The following IL1RAPL1 variants were observed in gnomAD, a reference collection of about 807,000 sequenced individuals.
IL1RAPL1 encodes interleukin 1 receptor accessory protein like 1.
A neutral mutation model predicts 48.4 loss-of-function variants in IL1RAPL1; 3 were observed. The ratio of observed to expected loss-of-function variants is 0.06; its 90% confidence interval spans 0.03 to 0.16. The LOEUF is 0.16. IL1RAPL1 is among the 10% of genes least tolerant of loss of function. IL1RAPL1 has a pLI of 1.00. For missense variants in IL1RAPL1, 349 were observed against 530.6 expected (o/e 0.66, Z 3.36); for synonymous variants, 185 against 187.7 (o/e 0.99, Z 0.12).
intron 2 of IL1RAPL1, among the ~76,000 whole-genome samples, chrX:29,088,695 A>T (rs1928012139): frequency 9.6e-6 from 1 of 104,560 alleles, no homozygotes; most frequent in Admixed American, 1.0e-4. Context: ...AAAAAAAAAA[A>T]GAAAAGAAAA....
chrX:29,588,958 G>C (rs1437156154), intron 5 of IL1RAPL1, among the ~76,000 whole-genome samples: 2 of 111,900 alleles, frequency 1.8e-5, no homozygotes, highest in Non-Finnish European at 3.8e-5. Context: ...CAGGTACACT[G>C]AGGATACCTA....
intron 5 of IL1RAPL1, among the ~76,000 whole-genome samples, chrX:29,529,104 TC>T (rs1490577716): frequency 9.0e-6 from 1 of 111,035 alleles, no homozygotes; most frequent in Admixed American, 9.6e-5. Flanking sequence ...ATATAATTGG[TC>T]TGTAGTTTTA....
chrX:29,715,960 G>T (rs897831155), intron 6 of IL1RAPL1, among the ~76,000 whole-genome samples: 5 of 112,131 alleles, frequency 4.5e-5, no homozygotes, highest in African/African-American at 6.5e-5. Context: ...TTGATACTAT[G>T]CTACCTCAGT....
chrX:28,736,454 T>C (rs1935827324), intron 1 of IL1RAPL1, among the ~76,000 whole-genome samples: 1 of 109,397 alleles, frequency 9.1e-6, no homozygotes, highest in African/African-American at 3.3e-5. Context: ...AAATGATGGC[T>C]CATAGATGAT....
intron 1 of IL1RAPL1, among the ~76,000 whole-genome samples, chrX:28,599,384 C>T (rs1252802394): frequency 7.2e-5 from 8 of 110,918 alleles, no homozygotes; most frequent in Admixed American, 2.9e-4. Context: ...ATATTGGATG[C>T]TTTCTTGATG....
intron 3 of IL1RAPL1, among the ~76,000 whole-genome samples, chrX:29,338,274 C>T (rs1179386000): frequency 9.0e-6 from 1 of 111,332 alleles, no homozygotes; most frequent in Non-Finnish European, 1.9e-5. Context: ...CACACATACA[C>T]ACACACACAC....
At chrX:29,869,855 G>T (rs1466134075) in intron 6 of IL1RAPL1, among the ~76,000 whole-genome samples, 1 of 110,380 alleles carries the variant, frequency 9.1e-6, no homozygotes, top group Non-Finnish European at 1.9e-5. Flanking sequence ...TACAGCAGAG[G>T]GGGCAAGCAG....
intron 2 of IL1RAPL1, among the ~76,000 whole-genome samples, chrX:28,960,737 C>T (rs375433754): frequency 1.8e-5 from 2 of 110,899 alleles, no homozygotes; most frequent in Non-Finnish European, 3.8e-5. Flanking sequence ...GGCCGGGCGC[C>T]GTGGCTCACG....
At chrX:29,288,917 G>A (rs1307459995) in intron 3 of IL1RAPL1, among the ~76,000 whole-genome samples, 1 of 112,356 alleles carries the variant, frequency 8.9e-6, no homozygotes, top group Non-Finnish European at 1.9e-5. Flanking sequence ...GATAAGTAAT[G>A]TTGAACGTTT....
chrX:29,235,910 T>C (rs1931282694), intron 2 of IL1RAPL1, among the ~76,000 whole-genome samples: 1 of 112,253 alleles, frequency 8.9e-6, no homozygotes, highest in Non-Finnish European at 1.9e-5. Context: ...CCAGCCACTT[T>C]TTCATCAGAT....
chrX:28,946,780 T>G (rs890617367), intron 2 of IL1RAPL1, among the ~76,000 whole-genome samples: 1 of 111,608 alleles, frequency 9.0e-6, no homozygotes, highest in Non-Finnish European at 1.9e-5. Flanking sequence ...CCATATGTTT[T>G]GATCATCTGC....
chrX:29,243,215 C>T (rs1256364484), intron 2 of IL1RAPL1, among the ~76,000 whole-genome samples: 2 of 112,345 alleles, frequency 1.8e-5, no homozygotes, highest in Non-Finnish European at 3.8e-5. Context: ...CTTCATTTTG[C>T]GTTCATGCTT....
At chrX:28,614,150 G>A (rs759800220) in intron 1 of IL1RAPL1, among the ~76,000 whole-genome samples, 1 of 107,241 alleles carries the variant, frequency 9.3e-6, no homozygotes, top group East Asian at 3.0e-4. Context: ...TATGTCTTAG[G>A]CTCTTGGGCA....
intron 5 of IL1RAPL1, among the ~76,000 whole-genome samples, chrX:29,407,574 AC>A (rs983052594): frequency 3.6e-5 from 4 of 111,970 alleles, no homozygotes; most frequent in African/African-American, 1.3e-4. Flanking sequence ...ATTGCCATTA[AC>A]CGTCTTATGT....
intron 2 of IL1RAPL1, among the ~76,000 whole-genome samples, chrX:29,262,292 A>C (rs1010537501): frequency 8.9e-6 from 1 of 112,266 alleles, no homozygotes; most frequent in East Asian, 2.8e-4. Context: ...TGATATAAAT[A>C]AGTAAGTAAT....
rs1451621379 is a variant in IL1RAPL1, at chrX:29,168,593, ATT to A, written c.83-114344_83-114343del. On this transcript the variant is annotated intron_variant, in intron 2 of 10. Coordinates refer to ENST00000378993, the MANE Select transcript of IL1RAPL1 (RefSeq NM_014271.4). The stretch of plus-strand genomic sequence containing the variant: ...TATACACACACAATTGTATATATAT[ATT>A]CATATATACAATTGTATATTTATAT... 5.5e-5 allele frequency among the ~76,000 whole-genome samples: 5 copies of A among 90,792 alleles called. 1 individual carries two copies. Among genetic ancestry groups the A allele is most frequent in the Non-Finnish European group, 4.5e-5 (2 of 44,801 alleles). The allele number at this position is 90,792 out of a possible 115,157, so 78.8% of individuals were successfully genotyped here. A position where few individuals can be genotyped will look rare whatever the true frequency, so the allele number is the denominator to read the frequency against.
rs59836290 is a variant in IL1RAPL1, at chrX:29,543,115, T to TTCTCTCTCTCTCTCTCTC, written c.704-125298_704-125281dup. On this transcript the variant is annotated intron_variant, in intron 5 of 10. Transcript: ENST00000378993. ...TGTTTGACCATAGCAATCTGTTCGT[T>TTCTCTCTCTCTCTCTCTC]TCTCTCTCTCTCTCTCTCTCTCTCT... Among the ~76,000 whole-genome samples the TTCTCTCTCTCTCTCTCTC allele has an allele frequency of 8.4e-4, 77 of 91,687 alleles. 1 individual carries two copies. Among genetic ancestry groups the TTCTCTCTCTCTCTCTCTC allele is most frequent in the African/African-American group, 3.1e-3 (74 of 24,258 alleles). 79.6% of individuals were successfully genotyped at this position (91,687 alleles called of 115,157 possible).
intron 2 of IL1RAPL1, among the ~76,000 whole-genome samples, chrX:29,100,578 G>T (rs1928314525): frequency 8.9e-6 from 1 of 111,888 alleles, no homozygotes; most frequent in Non-Finnish European, 1.9e-5. Context: ...GTTACATAAG[G>T]ACTCAAGTAC....
chrX:29,302,664 G>A (rs190045028), intron 3 of IL1RAPL1, among the ~76,000 whole-genome samples: 5 of 111,853 alleles, frequency 4.5e-5, no homozygotes, highest in Admixed American at 3.8e-4. Context: ...AAGGTTCAGG[G>A]AGACAATGAA....
Sources: allele counts gnomAD v4.1 joint callset (sites outside exome capture counted in the v4.1 genomes callset), GRCh38; gene constraint gnomAD v4.1.1; transcripts MANE v1.5; gene names NCBI Gene and HGNC (gene_info 2026-07-23, HGNC 2026-07-21).